OLFM4: variants seen among roughly 807,000 people sequenced by gnomAD.
OLFM4 encodes the protein olfactomedin-4.
In OLFM4, 22 loss-of-function variants were observed where a neutral mutation model predicts 25.5. The ratio of observed to expected loss-of-function variants is 0.86; its 90% CI spans 0.62 to 1.23. The LOEUF is 1.23. Among genes scored for constraint, OLFM4 ranks in the 50% most tolerant of loss-of-function variants. OLFM4 has a pLI of 0.00. For missense variants in OLFM4, 594 were observed against 619.4 expected, an observed-to-expected ratio of 0.96 and a Z score of 0.44; for synonymous variants, 255 against 237.7, an observed-to-expected ratio of 1.07 and a Z score of -0.67.
At chr13:53,029,279 A>G (rs982590664) in intron 1 of OLFM4, among the ~76,000 whole-genome samples, 2 of 152,338 alleles carry the variant, frequency 1.3e-5, no homozygotes, top group Admixed American at 6.5e-5. Context: ...TATGCTTTAG[A>G]GGAATTCTCA....
At position 53,043,275 on chromosome 13, in the gene OLFM4, C is replaced by T; in HGVS notation, c.730+11C>T. On this transcript the variant is annotated intron_variant, in intron 4 of 4. Transcript: ENST00000219022. The stretch of plus-strand genomic sequence containing the variant: ...CTCCTCCCACTCCAGGTAAGCATGC[C>T]AGTTTTTTTAACCACTTGTGCCAGA... 2 of 1,584,182 alleles carry T rather than the reference C, an allele frequency of 1.3e-6. No homozygotes were observed. The highest frequency in any genetic ancestry group is 2.7e-5 in the African/African-American group (2 of 73,580).
Position 53,050,105 on chromosome 13 carries a change from G to T in OLFM4, c.867G>T (p.Trp289Cys), listed in dbSNP as rs1954738132. The part of the protein sequence containing the change: ...SPQHPNKGLY[W>C]VAPLNTDGRL... ...AGCATCCAAACAAAGGACTGTATTG[G>T]GTGGCGCCATTGAATACAGATGGGA... is the stretch of plus-strand genomic sequence containing the variant. Residue 289 changes from tryptophan to cysteine, a missense_variant, in exon 5 of 5, where the codon TGG becomes TGT. Trp to Cys is a radical substitution (Grantham distance 215). Transcript: ENST00000219022. The T allele has an allele frequency of 3.1e-6, 5 of 1,613,900 alleles. No homozygotes were observed. The highest frequency in any genetic ancestry group is 4.2e-6 in the Non-Finnish European group (5 of 1,179,918).
rs187239045 is a variant in OLFM4 at position 53,041,080 on chromosome 13, C to T, written c.358-830C>T. 2.9e-3 allele frequency among the ~76,000 whole-genome samples: 440 copies of T among 152,138 alleles called. 1 individual carries two copies. Among genetic ancestry groups the T allele is most frequent in the African/African-American group, 0.01 (424 of 41,508 alleles). ...GAAAGCAGTGTGGTGACTCGAAGAA[C>T]TAAAAAGAACTATTATTCAACCTAG... On this transcript the variant is annotated intron_variant, in intron 2 of 4. Transcript: ENST00000219022.
rs79921725 is a variant in OLFM4, at chr13:53,040,861, A to C, written c.358-1049A>C. On this transcript the variant is annotated intron_variant, in intron 2 of 4. Transcript: ENST00000219022. ...AATGTCTTCAAACATTAAAATGGAG[A>C]TTAAGAAAAAAGGGCTCAATATCAC... Among the ~76,000 whole-genome samples the C allele has an allele frequency of 2.4e-4, 36 of 152,292 alleles. No homozygotes were observed. In the East Asian group the frequency reaches 6.8e-3, roughly 29 times the overall value.
rs1241297804 is a variant in OLFM4 at position 53,050,067 on chromosome 13, G to T, written c.829G>T (p.Asp277Tyr). Residue 277 changes from aspartate (D) to tyrosine (Y), a missense_variant, in exon 5 of 5, where the codon GAT becomes TAT. Coordinates refer to ENST00000219022, the MANE Select transcript of OLFM4 (RefSeq NM_006418.5). ...FSYLYGAWGR[D>Y]YSPQHPNKGL... is the part of the protein sequence containing the mutation. ...TTATCTATATGGTGCTTGGGGTAGG[G>T]ATTACTCTCCCCAGCATCCAAACAA... 3.7e-6 allele frequency: 6 copies of T among 1,613,972 alleles called. No individual in the cohort carries two copies. The highest frequency in any genetic ancestry group is 5.1e-6 in the Non-Finnish European group (6 of 1,179,926).
At position 53,051,045 on chromosome 13, in the gene OLFM4, G is replaced by C. The variant is rs533926623; in HGVS notation, c.*274G>C. ...CACTGTGGGCCTAGTGAAGCCTACT[G>C]TGAGGAGGCTTCACTAGAAGCCTTA... On this transcript the variant is annotated 3_prime_UTR_variant, in exon 5 of 5. Transcript: ENST00000219022. The C allele has an allele frequency of 1.5e-4, 54 of 355,366 alleles. No homozygotes were observed. The highest frequency in any genetic ancestry group is 1.1e-3 in the African/African-American group (53 of 47,496). The allele number at this position is 355,366 out of a possible 1,614,324, so 22.0% of individuals were successfully genotyped here.
At chr13:53,049,893 G>C in intron 4 of OLFM4, 76 bp from the exon 5 acceptor site, 1 of 1,394,594 alleles carries the variant, frequency 7.2e-7, no homozygotes, top group Middle Eastern at 1.9e-4. Flanking sequence ...TTCCTTTGGT[G>C]CTTAGGATAT....
rs147642839 is a variant in OLFM4 at position 53,041,711 on chromosome 13, C to T, written c.358-199C>T. Among the ~76,000 whole-genome samples the T allele has an allele frequency of 5.3e-5, 8 of 152,208 alleles. No individual in the cohort carries two copies. In the East Asian group the frequency reaches 1.5e-3, roughly 29 times the overall value. ...TAGCCTAGCAAAGTATAAAATCTACCTCCCTTCAATTGGAGTAATAAGTTC... is the reference window on the plus strand; with the variant it reads ...TAGCCTAGCAAAGTATAAAATCTACTTCCCTTCAATTGGAGTAATAAGTTC... On this transcript the variant is annotated intron_variant, in intron 2 of 4. Coordinates refer to ENST00000219022, the MANE Select transcript of OLFM4 (RefSeq NM_006418.5).
At chr13:53,041,248 A>G (rs904120218) in intron 2 of OLFM4, among the ~76,000 whole-genome samples, 2 of 152,200 alleles carry the variant, frequency 1.3e-5, no homozygotes, top group African/African-American at 4.8e-5. Context: ...TACACTGGAT[A>G]AAGAAAATAT....
In OLFM4 at chr13:53,050,018, T is replaced by G. The variant is rs1244963360; in HGVS notation, c.780T>G (p.Val260=). Reference sequence around the variant, plus strand: ...TGAACATCAGCAAACCGTCTGTGGTTCAGCTCAACTGGAGAGGGTTTTCTT... The same window carrying G: ...TGAACATCAGCAAACCGTCTGTGGTGCAGCTCAACTGGAGAGGGTTTTCTT... The part of the protein sequence containing the change: ...GVVNISKPSV[V]QLNWRGFSYL... Residue 260 remains valine (V), a synonymous_variant, in exon 5 of 5, where the codon GTT becomes GTG. Transcript: ENST00000219022. The G allele has an allele frequency of 6.2e-7, 1 of 1,612,938 alleles. No homozygotes were observed. Among genetic ancestry groups the G allele is most frequent in the African/African-American group, 1.3e-5 (1 of 74,892 alleles).
intron 1 of OLFM4, among the ~76,000 whole-genome samples, chr13:53,032,051 C>T (rs1387954756): frequency 6.6e-6 from 1 of 152,176 alleles, no homozygotes; most frequent in Non-Finnish European, 1.5e-5. Context: ...GCTGAGCATG[C>T]TGGGCTGATG....
intron 1 of OLFM4, among the ~76,000 whole-genome samples, chr13:53,032,589 G>A (rs1430240057): frequency 1.3e-5 from 2 of 151,850 alleles, no homozygotes; most frequent in Admixed American, 6.6e-5. Flanking sequence ...CCCTATGTTC[G>A]ACATAAATCT....
At chr13:53,043,370 T>G (rs1462299118) in intron 4 of OLFM4, 106 bp downstream of exon 4, 1 of 582,058 alleles carries the variant, frequency 1.7e-6, no homozygotes, top group East Asian at 4.4e-5. Context: ...GAAGGTGGGT[T>G]GTTTTTTTTT....
chr13:53,043,069 A>G (rs773716458), intron 3 of OLFM4, 36 bp from the exon 4 acceptor site: 35 of 1,524,380 alleles, frequency 2.3e-5, no homozygotes, highest in Non-Finnish European at 2.9e-5. Context: ...AAATTGCACC[A>G]TAATATAAAG....
At chr13:53,039,959 G>C (rs1369797061) in intron 2 of OLFM4, among the ~76,000 whole-genome samples, 1 of 152,182 alleles carries the variant, frequency 6.6e-6, no homozygotes, top group Non-Finnish European at 1.5e-5. Flanking sequence ...GGGCTGAAAT[G>C]ACAGAAGTTA....
chr13:53,043,294 T>A (rs1329423392), intron 4 of OLFM4, 30 bp downstream of exon 4: 1 of 1,553,230 alleles, frequency 6.4e-7, no homozygotes, highest in Non-Finnish European at 8.7e-7. Context: ...TAACCACTTG[T>A]GCCAGACCCC....
chr13:53,035,387 C>G (rs1404374858), intron 2 of OLFM4, among the ~76,000 whole-genome samples: 3 of 152,090 alleles, frequency 2.0e-5, no homozygotes, highest in African/African-American at 4.8e-5. Context: ...GACAGGCATG[C>G]AATGCGTAAT....
intron 2 of OLFM4, among the ~76,000 whole-genome samples, chr13:53,040,366 A>T (rs1954680747): frequency 6.6e-6 from 1 of 152,244 alleles, no homozygotes; most frequent in African/African-American, 2.4e-5. Context: ...ACTTAATGAA[A>T]TGTGTACTCT....
chr13:53,030,632 T>C (rs1954624452), intron 1 of OLFM4, among the ~76,000 whole-genome samples: 1 of 152,138 alleles, frequency 6.6e-6, no homozygotes. Flanking sequence ...AAGAGGTAGG[T>C]ACAATTAATG....
Sources: gnomAD v4.1 joint callset for allele counts (sites outside exome capture counted in the v4.1 genomes callset) on GRCh38, gnomAD v4.1.1 for gene constraint, MANE v1.5 for transcripts, NCBI Gene and HGNC (gene_info 2026-07-23, HGNC 2026-07-21) for gene names.